The following SEPTIN14 variants were observed in gnomAD, a reference collection of about 807,000 sequenced individuals.
The protein encoded by SEPTIN14 is septin 14.
In SEPTIN14, 40 loss-of-function variants were observed where a neutral mutation model predicts 53.6. That is an observed-to-expected ratio of 0.75 (90% confidence interval 0.58 to 0.97). The LOEUF (loss-of-function observed/expected upper bound fraction) is 0.97, where lower values mean the gene tolerates loss of function less well. Among genes scored for constraint, SEPTIN14 ranks in the 50% least tolerant of loss-of-function variants. The pLI is 0.00. For missense variants in SEPTIN14, 471 were observed against 508.2 expected, an observed-to-expected ratio of 0.93 and a Z score of 0.70; for synonymous variants, 138 against 166.8, an observed-to-expected ratio of 0.83 and a Z score of 1.33.
intron 2 of SEPTIN14, among the ~76,000 whole-genome samples, chr7:55,856,494 C>T (rs539674485): frequency 2.6e-5 from 4 of 151,830 alleles, no homozygotes; most frequent in Admixed American, 6.6e-5. Context: ...CAGGTTCAAG[C>T]GATTCTCCTG....
intron 2 of SEPTIN14, among the ~76,000 whole-genome samples, chr7:55,860,676 T>C (rs962781764): frequency 6.6e-5 from 10 of 152,138 alleles, no homozygotes; most frequent in African/African-American, 2.4e-4. Flanking sequence ...TACATATCAT[T>C]TAAATTTTTT....
In SEPTIN14 at chr7:55,795,607, A is replaced by C. The variant is rs1177761327; in HGVS notation, c.*306T>G. 9.3e-6 allele frequency: 3 copies of C among 323,544 alleles called. No homozygotes were observed. Among genetic ancestry groups the C allele is most frequent in the Non-Finnish European group, 1.2e-5 (2 of 171,860 alleles). The allele number at this position is 323,544 out of a possible 1,614,324, so 20.0% of individuals were successfully genotyped here. A position where few individuals can be genotyped will look rare whatever the true frequency, so the allele number is the denominator to read the frequency against. ...CTCAGCCTCCCAAGTGGCTGGGATTACAGGTACCGGCCACCAAACCCAGCT... is the reference window on the plus strand; with the variant it reads ...CTCAGCCTCCCAAGTGGCTGGGATTCCAGGTACCGGCCACCAAACCCAGCT... On this transcript the variant is annotated 3_prime_UTR_variant, in exon 10 of 10. Transcript: ENST00000388975.
rs1788393981 is a variant in SEPTIN14 at position 55,794,554 on chromosome 7, C to T, written c.*1359G>A. On this transcript the variant is annotated 3_prime_UTR_variant, in exon 10 of 10. Coordinates refer to ENST00000388975, the MANE Select transcript of SEPTIN14 (RefSeq NM_207366.3). ...AAAGATTCTGGTTCTTGTAGAGTTT[C>T]CATTAAAAGATCATTTAGTAAAATT... The T allele has an allele frequency of 6.6e-6, 1 of 152,086 alleles. No homozygotes were observed. Among genetic ancestry groups the T allele is most frequent in the Admixed American group, 6.6e-5 (1 of 15,244 alleles). 9.4% of individuals were successfully genotyped at this position (152,086 alleles called of 1,614,324 possible). A position where few individuals can be genotyped will look rare whatever the true frequency, so the allele number is the denominator to read the frequency against.
intron 2 of SEPTIN14, among the ~76,000 whole-genome samples, chr7:55,852,616 A>G (rs1789539172): frequency 6.6e-6 from 1 of 152,210 alleles, no homozygotes; most frequent in South Asian, 2.1e-4. Flanking sequence ...ACTTTCCAGG[A>G]CATTGACCTG....
intron 6 of SEPTIN14, among the ~76,000 whole-genome samples, chr7:55,823,398 T>C (rs1788930036): frequency 6.6e-6 from 1 of 152,160 alleles, no homozygotes; most frequent in Non-Finnish European, 1.5e-5. Context: ...CTGAGAGCTG[T>C]TCCATCACTC....
chr7:55,817,076 A>G (rs569502262), intron 7 of SEPTIN14, among the ~76,000 whole-genome samples: 1 of 152,322 alleles, frequency 6.6e-6, no homozygotes, highest in East Asian at 1.9e-4. Context: ...TTACACTACC[A>G]TTATTCACAA....
intron 9 of SEPTIN14, among the ~76,000 whole-genome samples, chr7:55,797,247 A>G (rs1172079399): frequency 9.2e-5 from 14 of 152,260 alleles, no homozygotes; most frequent in Admixed American, 1.3e-4. Context: ...ATATAAAGAA[A>G]GAATGGCTGA....
intron 9 of SEPTIN14, among the ~76,000 whole-genome samples, chr7:55,803,428 GGTAA>G (rs944089460): frequency 1.1e-4 from 16 of 152,188 alleles, no homozygotes; most frequent in Middle Eastern, 3.4e-3. Flanking sequence ...TACAAAAAAA[GGTAA>G]GTGTTTATAA....
intron 1 of SEPTIN14, among the ~76,000 whole-genome samples, 168 bp from the exon 2 acceptor site, chr7:55,862,179 T>C (rs927565864): frequency 2.0e-5 from 3 of 152,196 alleles, no homozygotes; most frequent in Non-Finnish European, 2.9e-5. Context: ...TAGATGGGCT[T>C]CTACATGATG....
At chr7:55,842,662 C>T (rs1357576779) in intron 5 of SEPTIN14, among the ~76,000 whole-genome samples, 5 of 151,176 alleles carry the variant, frequency 3.3e-5, no homozygotes, top group African/African-American at 7.3e-5. Flanking sequence ...CCTGTAATCC[C>T]AGCACTCTGG....
At chr7:55,828,913 A>G (rs1483750149) in intron 6 of SEPTIN14, among the ~76,000 whole-genome samples, 6 of 152,004 alleles carry the variant, frequency 3.9e-5, no homozygotes, top group African/African-American at 1.4e-4. Context: ...ATATGTTTCC[A>G]ATCTTTTTAC....
intron 1 of SEPTIN14, among the ~76,000 whole-genome samples, chr7:55,862,381 A>G (rs1053843250): frequency 4.6e-5 from 7 of 152,144 alleles, no homozygotes; most frequent in Admixed American, 3.9e-4. Context: ...AAAAAACAAA[A>G]CAAGACACTC....
chr7:55,822,063 G>T (rs1788905107), intron 6 of SEPTIN14, among the ~76,000 whole-genome samples: 1 of 152,132 alleles, frequency 6.6e-6, no homozygotes, highest in South Asian at 2.1e-4. Flanking sequence ...CACAAGAATA[G>T]CACAGGAAAG....
intron 7 of SEPTIN14, among the ~76,000 whole-genome samples, chr7:55,815,262 A>G (rs1279845922): frequency 6.6e-6 from 1 of 152,182 alleles, no homozygotes; most frequent in East Asian, 1.9e-4. Context: ...CAACCAAAGC[A>G]AAAATAGACA....
intron 6 of SEPTIN14, among the ~76,000 whole-genome samples, chr7:55,819,585 CCA>C (rs1562710126): frequency 6.6e-6 from 1 of 151,734 alleles, no homozygotes. Context: ...CAAGACTCCG[CCA>C]CACACACACA....
At chr7:55,828,461 C>A (rs369946316) in intron 6 of SEPTIN14, among the ~76,000 whole-genome samples, 1 of 152,084 alleles carries the variant, frequency 6.6e-6, no homozygotes, top group African/African-American at 2.4e-5. Context: ...CCCACTACCA[C>A]GCCCGGCTAA....
intron 8 of SEPTIN14, among the ~76,000 whole-genome samples, chr7:55,805,814 T>C (rs1437855033): frequency 6.6e-6 from 1 of 152,184 alleles, no homozygotes; most frequent in Non-Finnish European, 1.5e-5. Context: ...CTTTTGACAA[T>C]AACATTCAGG....
chr7:55,857,485 G>A (rs184604106), intron 2 of SEPTIN14, among the ~76,000 whole-genome samples: 1 of 68,102 alleles, frequency 1.5e-5, no homozygotes, highest in East Asian at 6.4e-4. Flanking sequence ...GAAGGGAGGG[G>A]AGGGGAGGGA....
At chr7:55,813,397 T>C (rs1243876291) in intron 7 of SEPTIN14, among the ~76,000 whole-genome samples, 1 of 152,106 alleles carries the variant, frequency 6.6e-6, no homozygotes, top group Admixed American at 6.5e-5. Flanking sequence ...GGCCCCAAGG[T>C]CTGCAGTCCT....
Sources: gnomAD v4.1 joint callset for allele counts (sites outside exome capture counted in the v4.1 genomes callset) on GRCh38, gnomAD v4.1.1 for gene constraint, MANE v1.5 for transcripts, NCBI Gene and HGNC (gene_info 2026-07-23, HGNC 2026-07-21) for gene names.